Variants in NANOGNB observed in about 807,000 individuals in gnomAD.
NANOGNB encodes the protein NANOG neighbor homeobox, also known as homeobox C14.
Under a neutral mutation model 25.0 loss-of-function variants are expected in NANOGNB, and 30 were observed. The observed-to-expected ratio is 1.20, with a 90% CI of 0.90 to 1.63. NANOGNB has a LOEUF of 1.63. NANOGNB is among the 40% of genes most tolerant of loss of function. NANOGNB has a pLI of 0.00. For synonymous variants in NANOGNB, 84 were observed against 62.1 expected, an observed-to-expected ratio of 1.35 and a Z score of -1.66; for missense variants, 200 against 188.1, an observed-to-expected ratio of 1.06 and a Z score of -0.37.
At chr12:7,766,734 G>A (rs916159857) in intron 1 of NANOGNB, among the ~76,000 whole-genome samples, 6 of 152,050 alleles carry the variant, frequency 3.9e-5, no homozygotes, top group Non-Finnish European at 5.9e-5. Flanking sequence ...CACCATGTTG[G>A]CCAGGCTGGT....
At chr12:7,766,168 CAAGT>C (rs1865242682) in intron 1 of NANOGNB, 1 of 398,494 alleles carries the variant, frequency 2.5e-6, no homozygotes, top group Non-Finnish European at 4.4e-6. Context: ...CCTGATCATT[CAAGT>C]AAGTAAGATG....
intron 3 of NANOGNB, among the ~76,000 whole-genome samples, chr12:7,770,831 C>T (rs1383136520): frequency 6.6e-6 from 1 of 152,120 alleles, no homozygotes; most frequent in Non-Finnish European, 1.5e-5. Context: ...AGGCTGATCT[C>T]GAACTCCCAA....
At chr12:7,770,897 C>T (rs1375758027) in intron 3 of NANOGNB, among the ~76,000 whole-genome samples, 1 of 152,170 alleles carries the variant, frequency 6.6e-6, no homozygotes, top group Non-Finnish European at 1.5e-5. Context: ...CAGGCGTGAA[C>T]CACCACACCC....
At chr12:7,769,126 TA>T (rs1397452146) in intron 1 of NANOGNB, among the ~76,000 whole-genome samples, 1 of 152,114 alleles carries the variant, frequency 6.6e-6, no homozygotes, top group Non-Finnish European at 1.5e-5. Context: ...CAAGATTGCG[TA>T]AGACAATTCC....
chr12:7,769,631 A>G (rs1336663761), intron 1 of NANOGNB, among the ~76,000 whole-genome samples: 11 of 151,902 alleles, frequency 7.2e-5, no homozygotes, highest in Admixed American at 3.3e-4. Context: ...GGTTAAAGTG[A>G]TCCTCCTGCC....
chr12:7,765,432 T>G (rs1228952537), intron 1 of NANOGNB, 45 bp downstream of exon 1: 1 of 355,138 alleles, frequency 2.8e-6, no homozygotes, highest in Admixed American at 3.8e-5. Context: ...TAGCTGGGCG[T>G]GGTGGCGGGC....
At chr12:7,766,696 T>C (rs1865249156) in intron 1 of NANOGNB, among the ~76,000 whole-genome samples, 1 of 151,752 alleles carries the variant, frequency 6.6e-6, no homozygotes, top group Non-Finnish European at 1.5e-5. Flanking sequence ...CCGATTAGTT[T>C]TTTGTATTTT....
chr12:7,773,546 C>CAAAAAAAAAAAAAAAAAA lies in NANOGNB; in HGVS notation c.516-238_516-221dup, dbSNP rs869038102. On this transcript the variant is annotated intron_variant, in intron 3 of 3. Coordinates refer to ENST00000382119, the MANE Select transcript of NANOGNB (RefSeq NM_001145465.1). ...TGAAACTCCATCTCTACTAAAAATA[C>CAAAAAAAAAAAAAAAAAA]AAAAAAAAAAAAAAAAAAAAAAAAA... 2.0e-3 allele frequency among the ~76,000 whole-genome samples: 31 copies of CAAAAAAAAAAAAAAAAAA among 15,444 alleles called. 7 individuals carry two copies. The highest frequency in any genetic ancestry group is 6.3e-3 in the East Asian group (2 of 318). The allele number at this position is 15,444 out of a possible 152,430, so 10.1% of individuals were successfully genotyped here. A position where few individuals can be genotyped will look rare whatever the true frequency, so the allele number is the denominator to read the frequency against.
intron 1 of NANOGNB, among the ~76,000 whole-genome samples, 168 bp from the exon 2 acceptor site, chr12:7,769,815 C>T (rs997075852): frequency 2.0e-5 from 3 of 152,228 alleles, no homozygotes; most frequent in Admixed American, 1.3e-4. Flanking sequence ...CATGAGCCAC[C>T]GTGCCCAGCC....
rs993148562 is a variant in NANOGNB at position 7,770,201 on chromosome 12, A to T, written c.321A>T (p.Arg107Ser). ...NEKQKQYPEK[R>S]LVSKSLMHTL... The stretch of plus-strand genomic sequence containing the variant: ...AACAGAAACAGTATCCCGAGAAAAG[A>T]TTAGTCAGCAAATCCCTCATGCATA... Residue 107 changes from arginine (R) to serine (S), a missense_variant, in exon 2 of 4, where the codon AGA becomes AGT. Arg to Ser is a moderately radical substitution (Grantham distance 110, BLOSUM62 -1). Coordinates refer to ENST00000382119, the MANE Select transcript of NANOGNB (RefSeq NM_001145465.1). The T allele has an allele frequency of 6.4e-7, 1 of 1,551,962 alleles. No individual in the cohort carries two copies. The highest frequency in any genetic ancestry group is 1.4e-5 in the African/African-American group (1 of 73,064).
At position 7,765,242 on chromosome 12, in the gene NANOGNB, T is replaced by C. The variant is rs1227975968; in HGVS notation, c.-44T>C. 1 of 1,288,398 alleles carries C rather than the reference T, an allele frequency of 7.8e-7. No individual in the cohort carries two copies. The highest frequency in any genetic ancestry group is 2.3e-5 in the Admixed American group (1 of 43,438). The allele number at this position is 1,288,398 out of a possible 1,614,324, so 79.8% of individuals were successfully genotyped here. On this transcript the variant is annotated 5_prime_UTR_variant, in exon 1 of 4. Transcript: ENST00000382119. ...TCTACCTTATCTGGTCGGTCATCTCTGTAACCTCCCTACCAAGGACTAATT... is the reference window on the plus strand; with the variant it reads ...TCTACCTTATCTGGTCGGTCATCTCCGTAACCTCCCTACCAAGGACTAATT...
chr12:7,767,357 T>C (rs1402948952), intron 1 of NANOGNB, among the ~76,000 whole-genome samples: 1 of 149,496 alleles, frequency 6.7e-6, no homozygotes, highest in Admixed American at 6.7e-5. Context: ...GTGGTAGCAA[T>C]AGAAGGATGT....
At position 7,774,025 on chromosome 12, in the gene NANOGNB, G is replaced by A. The variant is rs1862613662; in HGVS notation, c.*174G>A. On this transcript the variant is annotated 3_prime_UTR_variant, in exon 4 of 4. Coordinates refer to ENST00000382119, the MANE Select transcript of NANOGNB (RefSeq NM_001145465.1). ...TAGAACTAAATGAGGGGTATGCAAA[G>A]GAGTTTTTATGTGTTTTATTTTTAC... 2 of 409,710 alleles carry A rather than the reference G, an allele frequency of 4.9e-6. No individual in the cohort carries two copies. Among genetic ancestry groups the A allele is most frequent in the Admixed American group, 8.7e-5 (2 of 22,892 alleles). The allele number at this position is 409,710 out of a possible 1,614,324, so 25.4% of individuals were successfully genotyped here. A position where few individuals can be genotyped will look rare whatever the true frequency, so the allele number is the denominator to read the frequency against.
Position 7,773,999 on chromosome 12 carries a change from G to C in NANOGNB, c.*148G>C, listed in dbSNP as rs1001289355. The C allele has an allele frequency of 6.9e-6, 3 of 436,642 alleles. No homozygotes were observed. The highest frequency in any genetic ancestry group is 1.2e-5 in the Non-Finnish European group (3 of 249,484). The allele number at this position is 436,642 out of a possible 1,614,324, so 27.0% of individuals were successfully genotyped here. On this transcript the variant is annotated 3_prime_UTR_variant, in exon 4 of 4. Transcript: ENST00000382119. ...CATTAACAGTCGTTGATTCCGTGGA[G>C]TAGAACTAAATGAGGGGTATGCAAA...
intron 1 of NANOGNB, 90 bp from the exon 2 acceptor site, chr12:7,769,893 A>G: frequency 2.0e-6 from 2 of 990,004 alleles, no homozygotes; most frequent in African/African-American, 3.3e-5. Flanking sequence ...AGAAAAATCA[A>G]ATATATTCTC....
rs1033935847 is a variant in NANOGNB, at chr12:7,770,310, A to C, written c.430A>C (p.Lys144Gln). ...GTCATTTGAATTTGACATGACACAT[A>C]AACAGGTATGACAACATTAATAGAC... The part of the protein sequence containing the change: ...SLSFEFDMTH[K>Q]QISQWFCKTR... The change falls in exon 2 of 4, where the codon AAA (lysine) becomes CAA (glutamine). Residue 144 changes from lysine to glutamine, a missense_variant. Coordinates refer to ENST00000382119, the MANE Select transcript of NANOGNB (RefSeq NM_001145465.1). 7 of 1,531,824 alleles carry C rather than the reference A, an allele frequency of 4.6e-6. No homozygotes were observed. The East Asian group carries it at 7.3e-5, about 16-fold the overall frequency. 94.9% of individuals were successfully genotyped at this position (1,531,824 alleles called of 1,614,324 possible). A position where few individuals can be genotyped will look rare whatever the true frequency, so the allele number is the denominator to read the frequency against.
At chr12:7,770,590 T>A in intron 3 of NANOGNB, 72 bp downstream of exon 3, 1 of 995,364 alleles carries the variant, frequency 1.0e-6, no homozygotes, top group Non-Finnish European at 1.5e-6. Flanking sequence ...GGTTTGTGTT[T>A]CCATCATTAT....
intron 1 of NANOGNB, among the ~76,000 whole-genome samples, chr12:7,768,437 C>T (rs1038113071): frequency 6.6e-6 from 1 of 151,802 alleles, no homozygotes; most frequent in African/African-American, 2.4e-5. Flanking sequence ...GTGTGATGGT[C>T]TTTAATGTGG....
intron 1 of NANOGNB, among the ~76,000 whole-genome samples, chr12:7,767,811 G>A (rs1390305821): frequency 6.6e-6 from 1 of 150,664 alleles, no homozygotes; most frequent in African/African-American, 2.4e-5. Flanking sequence ...ACCCAGGTGG[G>A]AGTGCAGTGT....
Sources: gnomAD v4.1 joint callset for allele counts (sites outside exome capture counted in the v4.1 genomes callset) on GRCh38, gnomAD v4.1.1 for gene constraint, MANE v1.5 for transcripts, NCBI Gene and HGNC (gene_info 2026-07-23, HGNC 2026-07-21) for gene names.